MED13L: variants seen among roughly 807,000 people sequenced by gnomAD.
MED13L encodes mediator complex subunit 13L, also known as mediator of RNA polymerase II transcription subunit 13-like.
In MED13L, 7 loss-of-function variants were observed where a neutral mutation model predicts 220.9. That is an observed-to-expected ratio of 0.03 (90% CI 0.02 to 0.06). MED13L has a LOEUF of 0.06. Ranked by LOEUF, MED13L falls within the 10% of genes least tolerant of loss-of-function variation. MED13L has a pLI of 1.00. For synonymous variants in MED13L, 1,011 were observed against 1,015.2 expected, an observed-to-expected ratio of 1.00 and a Z score of 0.08; for missense variants, 1,965 against 2,760.5, an observed-to-expected ratio of 0.71 and a Z score of 6.46.
At chr12:116,195,269 G>A (rs888083125) in intron 2 of MED13L, among the ~76,000 whole-genome samples, 7 of 151,856 alleles carry the variant, frequency 4.6e-5, no homozygotes, top group Non-Finnish European at 1.0e-4. Flanking sequence ...CTTGGTGGGG[G>A]TGGGGGCAAC....
At chr12:116,137,015 T>C (rs902470316) in intron 2 of MED13L, among the ~76,000 whole-genome samples, 1 of 152,200 alleles carries the variant, frequency 6.6e-6, no homozygotes, top group Non-Finnish European at 1.5e-5. Flanking sequence ...TTTGAAATAA[T>C]TCTGTGTTGG....
At chr12:116,188,058 C>T (rs1010172022) in intron 2 of MED13L, among the ~76,000 whole-genome samples, 1 of 151,758 alleles carries the variant, frequency 6.6e-6, no homozygotes, top group Admixed American at 6.6e-5. Context: ...TTTTTCAGGA[C>T]TACGATAATC....
chr12:116,119,779 C>T (rs2137943670), intron 2 of MED13L, among the ~76,000 whole-genome samples: 1 of 129,662 alleles, frequency 7.7e-6, no homozygotes, highest in South Asian at 2.4e-4. Flanking sequence ...TGTACTCCAG[C>T]CTAGGCAAGA....
chr12:116,218,449 A>T (rs969861949), intron 2 of MED13L, among the ~76,000 whole-genome samples: 1 of 152,150 alleles, frequency 6.6e-6, no homozygotes, highest in Non-Finnish European at 1.5e-5. Context: ...CAACAAAAAC[A>T]TGCTTTTTAT....
intron 17 of MED13L, among the ~76,000 whole-genome samples, chr12:115,990,742 C>T (rs1000759857): frequency 1.3e-5 from 2 of 152,150 alleles, no homozygotes; most frequent in Admixed American, 6.5e-5. Flanking sequence ...GACTCTGATA[C>T]TCAGCGGTCA....
At chr12:116,099,474 T>C (rs1027785486) in intron 3 of MED13L, among the ~76,000 whole-genome samples, 1 of 152,172 alleles carries the variant, frequency 6.6e-6, no homozygotes, top group Non-Finnish European at 1.5e-5. Context: ...ACTTAGTAAA[T>C]ACTGTTTTAA....
At chr12:116,013,592 G>A (rs1879549521) in intron 8 of MED13L, among the ~76,000 whole-genome samples, 1 of 152,134 alleles carries the variant, frequency 6.6e-6, no homozygotes, top group African/African-American at 2.4e-5. Context: ...CACGAACTTT[G>A]AGTAAGATAC....
chr12:116,066,834 G>A (rs1398575297), intron 4 of MED13L, among the ~76,000 whole-genome samples: 1 of 151,234 alleles, frequency 6.6e-6, no homozygotes, highest in Non-Finnish European at 1.5e-5. Context: ...GCGGTCACAT[G>A]CAGCCACTCC....
At position 116,008,864 on chromosome 12, in the gene MED13L, A is replaced by G. The variant is rs756328268; in HGVS notation, c.1549T>C (p.Leu517=). 3 of 1,613,966 alleles carry G rather than the reference A, an allele frequency of 1.9e-6. No homozygotes were observed. Among genetic ancestry groups the G allele is most frequent in the Non-Finnish European group, 2.5e-6 (3 of 1,179,996 alleles). ...KLGLAGIDSS[L]EVSSSRKYDK... is the part of the protein sequence containing the mutation. ...TATTTCCTACTGCTAGACACCTCTAAGGAGGAGTCTATCCCTGCCAACCCT... is the reference window on the plus strand; with the variant it reads ...TATTTCCTACTGCTAGACACCTCTAGGGAGGAGTCTATCCCTGCCAACCCT... Residue 517 remains leucine (L), a synonymous_variant, in exon 10 of 31, where the codon TTA becomes CTA. Transcript: ENST00000281928.
chr12:116,267,291 AG>A (rs1160771649), intron 1 of MED13L, among the ~76,000 whole-genome samples: 1 of 152,236 alleles, frequency 6.6e-6, no homozygotes, highest in Non-Finnish European at 1.5e-5. Context: ...ATGAATTTCA[AG>A]TTTTTCTTCT....
intron 16 of MED13L, among the ~76,000 whole-genome samples, chr12:115,994,046 AT>A (rs1342425215): frequency 4.6e-5 from 7 of 152,170 alleles, no homozygotes; most frequent in African/African-American, 1.7e-4. Flanking sequence ...CTAAATTTAA[AT>A]TAATTAACAT....
At chr12:116,157,037 A>C (rs1399968455) in intron 2 of MED13L, among the ~76,000 whole-genome samples, 1 of 152,206 alleles carries the variant, frequency 6.6e-6, no homozygotes, top group Non-Finnish European at 1.5e-5. Context: ...ACTGGTATCC[A>C]CTGCTGTTAT....
intron 3 of MED13L, among the ~76,000 whole-genome samples, chr12:116,102,020 G>T (rs1161827982): frequency 6.6e-6 from 1 of 152,196 alleles, no homozygotes; most frequent in Non-Finnish European, 1.5e-5. Context: ...TGTGATGCCA[G>T]ATTTATAAAA....
chr12:116,098,836 T>TA (rs1295769039), intron 3 of MED13L, among the ~76,000 whole-genome samples: 1 of 152,180 alleles, frequency 6.6e-6, no homozygotes, highest in Non-Finnish European at 1.5e-5. Context: ...ATAGGAAATA[T>TA]GGCACACCCA....
At chr12:116,136,260 G>A (rs895413448) in intron 2 of MED13L, among the ~76,000 whole-genome samples, 14 of 152,164 alleles carry the variant, frequency 9.2e-5, no homozygotes, top group African/African-American at 3.1e-4. Flanking sequence ...ACTGAACTAA[G>A]TGCTATGGTC....
chr12:116,258,117 G>A (rs905937435), intron 1 of MED13L, among the ~76,000 whole-genome samples: 63 of 152,264 alleles, frequency 4.1e-4, no homozygotes, highest in African/African-American at 1.5e-3. Context: ...ATAATGTTTG[G>A]AATAGCTACG....
chr12:116,214,431 G>A (rs1882883026), intron 2 of MED13L, among the ~76,000 whole-genome samples: 1 of 151,594 alleles, frequency 6.6e-6, no homozygotes, highest in African/African-American at 2.4e-5. Context: ...AGACAAAAAG[G>A]TTTAAAAAAA....
At chr12:116,002,587 C>G (rs1473026415) in intron 14 of MED13L, among the ~76,000 whole-genome samples, 1 of 152,076 alleles carries the variant, frequency 6.6e-6, no homozygotes, top group Non-Finnish European at 1.5e-5. Flanking sequence ...TGAAAAGGAC[C>G]ACTGAAATCA....
chr12:116,172,785 T>C (rs1255072833), intron 2 of MED13L, among the ~76,000 whole-genome samples: 1 of 152,114 alleles, frequency 6.6e-6, no homozygotes, highest in Admixed American at 6.6e-5. Flanking sequence ...CGAGATTATA[T>C]ATATGAAAAT....
Sources: gnomAD v4.1 joint callset for allele counts (sites outside exome capture counted in the v4.1 genomes callset) on GRCh38, gnomAD v4.1.1 for gene constraint, MANE v1.5 for transcripts, NCBI Gene and HGNC (gene_info 2026-07-23, HGNC 2026-07-21) for gene names.